MBOAT2: variants seen among roughly 807,000 people sequenced by gnomAD.
The protein encoded by MBOAT2 is membrane bound glycerophospholipid O-acyltransferase 2.
A neutral mutation model predicts 63.4 loss-of-function variants in MBOAT2; 28 were observed. The observed-to-expected ratio is 0.44, with a 90% CI of 0.33 to 0.61. The LOEUF (loss-of-function observed/expected upper bound fraction) is 0.61, where lower values mean the gene tolerates loss of function less well. MBOAT2 is among the 20% of genes least tolerant of loss of function. The probability of loss-of-function intolerance (pLI) is 0.03; values close to 1 mark genes in which losing one functional copy is unlikely to be tolerated. For synonymous variants in MBOAT2, 211 were observed against 215.6 expected, an observed-to-expected ratio of 0.98 and a Z score of 0.19; for missense variants, 470 against 605.8, an observed-to-expected ratio of 0.78 and a Z score of 2.35.
At chr2:8,932,659 T>C (rs1667401387) in intron 3 of MBOAT2, among the ~76,000 whole-genome samples, 2 of 152,116 alleles carry the variant, frequency 1.3e-5, no homozygotes, top group Non-Finnish European at 2.9e-5. Flanking sequence ...CTTGATTTAA[T>C]CTTCTGGAAC....
At chr2:8,961,016 C>A (rs754745385) in intron 1 of MBOAT2, among the ~76,000 whole-genome samples, 1 of 152,166 alleles carries the variant, frequency 6.6e-6, no homozygotes, top group Non-Finnish European at 1.5e-5. Context: ...TTGTATGCCA[C>A]ACCACGGCGT....
intron 1 of MBOAT2, among the ~76,000 whole-genome samples, chr2:8,976,095 G>GT (rs770847104): frequency 1.3e-5 from 2 of 152,040 alleles, no homozygotes; most frequent in East Asian, 1.9e-4. Flanking sequence ...TCCATATGTT[G>GT]TTAAAAACAG....
intron 1 of MBOAT2, among the ~76,000 whole-genome samples, chr2:8,974,690 G>A (rs1670697543): frequency 6.6e-6 from 1 of 152,044 alleles, no homozygotes; most frequent in Admixed American, 6.6e-5. Context: ...GATATTTCAT[G>A]GGCATTTATT....
At chr2:8,899,119 C>T (rs920874308) in intron 4 of MBOAT2, among the ~76,000 whole-genome samples, 7 of 152,126 alleles carry the variant, frequency 4.6e-5, no homozygotes, top group Non-Finnish European at 5.9e-5. Context: ...TTGGAATGGG[C>T]GGGCATTTTT....
intron 4 of MBOAT2, among the ~76,000 whole-genome samples, chr2:8,902,118 C>T (rs561840805): frequency 1.3e-5 from 2 of 152,280 alleles, no homozygotes; most frequent in East Asian, 1.9e-4. Flanking sequence ...CCAGGCAAAC[C>T]AACGCTCCCA....
rs531958422 is a variant in MBOAT2, at chr2:8,913,987, C to T, written c.300-5271G>A. Among the ~76,000 whole-genome samples, 6 of 152,278 alleles carry T rather than the reference C, an allele frequency of 3.9e-5. No homozygotes were observed. In the South Asian group the frequency reaches 1.0e-3, roughly 26 times the overall value. ...TATATATATACGATGGAATACTACT[C>T]GGCCATAAAAAGGAATGAATTAACA... On this transcript the variant is annotated intron_variant, in intron 3 of 12. Transcript: ENST00000305997.
At chr2:8,914,375 C>T (rs1457418114) in intron 3 of MBOAT2, among the ~76,000 whole-genome samples, 1 of 151,866 alleles carries the variant, frequency 6.6e-6, no homozygotes, top group East Asian at 1.9e-4. Flanking sequence ...CATTCATTTG[C>T]CAATAATGTG....
At chr2:8,952,539 T>C (rs1269060816) in intron 2 of MBOAT2, among the ~76,000 whole-genome samples, 1 of 152,208 alleles carries the variant, frequency 6.6e-6, no homozygotes, top group Admixed American at 6.5e-5. Context: ...CCACTATTAA[T>C]GTGTGGCTAA....
intron 9 of MBOAT2, 79 bp downstream of exon 9, chr2:8,868,367 G>T: frequency 8.4e-7 from 1 of 1,185,774 alleles, no homozygotes; most frequent in Non-Finnish European, 1.2e-6. Context: ...ACCACTCCTA[G>T]GACATCACAC....
intron 1 of MBOAT2, among the ~76,000 whole-genome samples, chr2:8,970,869 G>A (rs1670395923): frequency 6.6e-6 from 1 of 152,112 alleles, no homozygotes; most frequent in South Asian, 2.1e-4. Flanking sequence ...CTGAAATTGG[G>A]GCAATAATTA....
intron 5 of MBOAT2, among the ~76,000 whole-genome samples, chr2:8,884,102 G>A (rs575585826): frequency 1.5e-4 from 23 of 148,494 alleles, no homozygotes; most frequent in Admixed American, 3.3e-4. Context: ...TGGGTGTGGC[G>A]GCGGGCGCCT....
At chr2:8,942,337 G>C (rs563355905) in intron 3 of MBOAT2, among the ~76,000 whole-genome samples, 2 of 152,164 alleles carry the variant, frequency 1.3e-5, no homozygotes, top group Non-Finnish European at 2.9e-5. Flanking sequence ...ATGGTACCTA[G>C]GTCATACATC....
chr2:8,908,825 A>G (rs900293083), intron 3 of MBOAT2, 109 bp from the exon 4 acceptor site: 1 of 641,412 alleles, frequency 1.6e-6, no homozygotes, highest in Non-Finnish European at 2.7e-6. Context: ...ATTAAATATT[A>G]CTAGATCTAC....
chr2:8,874,292 T>C (rs149256210), intron 7 of MBOAT2, among the ~76,000 whole-genome samples: 99 of 152,330 alleles, frequency 6.5e-4, no homozygotes, highest in African/African-American at 2.2e-3. Context: ...CTTGCAGCAG[T>C]TGTTATTCTC....
intron 1 of MBOAT2, among the ~76,000 whole-genome samples, chr2:8,989,590 G>A (rs1671789359): frequency 6.6e-6 from 1 of 152,150 alleles, no homozygotes; most frequent in Non-Finnish European, 1.5e-5. Flanking sequence ...GGCTACTGAT[G>A]CCTAATGTAC....
intron 3 of MBOAT2, among the ~76,000 whole-genome samples, chr2:8,935,482 A>T (rs1039473394): frequency 4.6e-5 from 7 of 152,222 alleles, no homozygotes; most frequent in African/African-American, 1.4e-4. Context: ...CATGGTGATA[A>T]ATATGACAGT....
intron 3 of MBOAT2, among the ~76,000 whole-genome samples, chr2:8,927,567 G>GCTGTGTCCA (rs1482631698): frequency 6.6e-6 from 1 of 152,192 alleles, no homozygotes; most frequent in Non-Finnish European, 1.5e-5. Context: ...ACAATAGAGA[G>GCTGTGTCCA]CTGTGTCCAA....
chr2:8,908,572 C>T (rs756014908), intron 4 of MBOAT2, 49 bp downstream of exon 4: 8 of 1,046,182 alleles, frequency 7.6e-6, no homozygotes, highest in African/African-American at 1.6e-5. Context: ...CTTTAACCAC[C>T]TTGTTGGAAT....
chr2:8,912,567 C>T (rs1184824940), intron 3 of MBOAT2, among the ~76,000 whole-genome samples: 1 of 152,000 alleles, frequency 6.6e-6, no homozygotes. Flanking sequence ...AGCGGAGAAC[C>T]AAATTAGTAA....
Sources: gnomAD v4.1 joint callset for allele counts (sites outside exome capture counted in the v4.1 genomes callset) on GRCh38, gnomAD v4.1.1 for gene constraint, MANE v1.5 for transcripts, NCBI Gene and HGNC (gene_info 2026-07-23, HGNC 2026-07-21) for gene names.